SBF2: variants seen among roughly 807,000 people sequenced by gnomAD.
SBF2 encodes SET binding factor 2.
A neutral mutation model predicts 225.2 loss-of-function variants in SBF2; 112 were observed. The observed-to-expected ratio is 0.50, with a 90% CI of 0.43 to 0.58. The LOEUF is 0.58. Among genes scored for constraint, SBF2 ranks in the 20% least tolerant of loss-of-function variants. SBF2 has a pLI of 0.00. For missense variants in SBF2, 1,996 were observed against 2,206.2 expected (o/e 0.90, Z 1.91); for synonymous variants, 763 against 773.3 (o/e 0.99, Z 0.22).
chr11:10,266,042 G>A (rs968699644), intron 1 of SBF2, among the ~76,000 whole-genome samples: 2 of 151,956 alleles, frequency 1.3e-5, no homozygotes, highest in African/African-American at 4.8e-5. Context: ...ATTTTTTTTA[G>A]TACTTTTTCG....
intron 2 of SBF2, among the ~76,000 whole-genome samples, chr11:10,134,718 C>T (rs144014926): frequency 6.6e-5 from 10 of 152,328 alleles, no homozygotes; most frequent in East Asian, 5.8e-4. Context: ...CCAGGTCACA[C>T]GGATGCAAGA....
At chr11:9,887,048 G>A (rs1860383286) in intron 17 of SBF2, among the ~76,000 whole-genome samples, 1 of 151,776 alleles carries the variant, frequency 6.6e-6, no homozygotes, top group Non-Finnish European at 1.5e-5. Context: ...ATTTCTTTTG[G>A]AGTAGACAAA....
intron 14 of SBF2, among the ~76,000 whole-genome samples, chr11:9,967,971 C>CTCTA (rs1260685462): frequency 0.018 from 1,657 of 91,356 alleles, 25 homozygotes; most frequent in Non-Finnish European, 0.023. Flanking sequence ...CTCTCTCTCT[C>CTCTA]TATATATATA....
Position 9,961,937 on chromosome 11 carries a change from C to A in SBF2, c.1860+20G>T. On this transcript the variant is annotated intron_variant, in intron 16 of 39. Transcript: ENST00000256190. ...AGTATTCTCAAATAAGAGGAATAAT[C>A]TGAAAGAACTACAAATTACCTGTAG... The A allele has an allele frequency of 6.2e-7, 1 of 1,603,758 alleles. No homozygotes were observed. Among genetic ancestry groups the A allele is most frequent in the Non-Finnish European group, 8.5e-7 (1 of 1,171,972 alleles).
chr11:10,205,125 A>G (rs1382359078), intron 1 of SBF2, among the ~76,000 whole-genome samples: 1 of 152,036 alleles, frequency 6.6e-6, no homozygotes, highest in Admixed American at 6.5e-5. Context: ...ATGTTTACCT[A>G]TTTAACAAAC....
At chr11:10,093,829 T>C (rs909116913) in intron 2 of SBF2, among the ~76,000 whole-genome samples, 2 of 152,204 alleles carry the variant, frequency 1.3e-5, no homozygotes, top group Non-Finnish European at 2.9e-5. Context: ...TGTAGGAAGA[T>C]AGGTAAATAA....
chr11:10,269,648 T>C (rs1962304093), intron 1 of SBF2, among the ~76,000 whole-genome samples: 1 of 152,230 alleles, frequency 6.6e-6, no homozygotes, highest in Non-Finnish European at 1.5e-5. Context: ...TTTACTATTA[T>C]CCAATTTTAT....
chr11:10,098,619 A>T (rs1555023267), intron 2 of SBF2, among the ~76,000 whole-genome samples: 1 of 151,856 alleles, frequency 6.6e-6, no homozygotes, highest in Non-Finnish European at 1.5e-5. Flanking sequence ...GGTCACAGAC[A>T]ACTCGATGCA....
rs550976707 is a variant in SBF2, at chr11:10,001,331, G to A, written c.753-309C>T. Among the ~76,000 whole-genome samples, 3 of 151,964 alleles carry A rather than the reference G, an allele frequency of 2.0e-5. No individual in the cohort carries two copies. The South Asian group carries it at 6.2e-4, about 32-fold the overall frequency. On this transcript the variant is annotated intron_variant, in intron 7 of 39. Transcript: ENST00000256190. Reference sequence around the variant, plus strand: ...AGCATTTTTCCTTACATAGAAACCCGACATTAGACAGTAACACTGACTCTC... The same window carrying A: ...AGCATTTTTCCTTACATAGAAACCCAACATTAGACAGTAACACTGACTCTC...
Position 10,203,921 on chromosome 11 carries a change from C to T in SBF2, c.56-9934G>A, listed in dbSNP as rs376045738. Among the ~76,000 whole-genome samples the T allele has an allele frequency of 2.6e-5, 4 of 151,864 alleles. No homozygotes were observed. In the East Asian group the frequency reaches 7.8e-4, roughly 29 times the overall value. The stretch of plus-strand genomic sequence containing the variant: ...TATGCATGTAACAGGAGTCAGGAGT[C>T]CCAGCATGGAATGGAGGGAATGGAG... On this transcript the variant is annotated intron_variant, in intron 1 of 39. Transcript: ENST00000256190.
chr11:10,186,683 C>G (rs1382283648), intron 2 of SBF2, among the ~76,000 whole-genome samples: 1 of 152,218 alleles, frequency 6.6e-6, no homozygotes, highest in Non-Finnish European at 1.5e-5. Context: ...CAGCCCTTCT[C>G]TCTCCCCACT....
At chr11:10,088,222 G>T (rs1034966384) in intron 2 of SBF2, among the ~76,000 whole-genome samples, 1 of 151,590 alleles carries the variant, frequency 6.6e-6, no homozygotes, top group Non-Finnish European at 1.5e-5. Flanking sequence ...ACAAGGTTTT[G>T]CCATGTTGCC....
intron 2 of SBF2, among the ~76,000 whole-genome samples, chr11:10,181,252 G>T (rs544357430): frequency 4.2e-4 from 64 of 151,976 alleles, no homozygotes; most frequent in African/African-American, 1.5e-3. Flanking sequence ...AAAGACCAGG[G>T]TTTTATTATC....
At chr11:10,118,877 C>T (rs1953294900) in intron 2 of SBF2, among the ~76,000 whole-genome samples, 2 of 149,810 alleles carry the variant, frequency 1.3e-5, no homozygotes, top group Non-Finnish European at 3.0e-5. Context: ...TGTCTTTATT[C>T]TGCTGATCAC....
At chr11:10,253,435 T>C (rs1459259709) in intron 1 of SBF2, among the ~76,000 whole-genome samples, 1 of 152,170 alleles carries the variant, frequency 6.6e-6, no homozygotes, top group East Asian at 1.9e-4. Flanking sequence ...ACATTAGTAC[T>C]CTTTAAGACA....
intron 17 of SBF2, among the ~76,000 whole-genome samples, chr11:9,883,661 C>T (rs1590325008): frequency 6.6e-6 from 1 of 152,086 alleles, no homozygotes; most frequent in African/African-American, 2.4e-5. Context: ...TCACAAGTTC[C>T]TCAAAGGCAG....
At chr11:10,016,052 C>T (rs1329592819) in intron 6 of SBF2, among the ~76,000 whole-genome samples, 1 of 152,140 alleles carries the variant, frequency 6.6e-6, no homozygotes, top group Non-Finnish European at 1.5e-5. Context: ...GCTGAGATTA[C>T]AGGCATGAGC....
intron 22 of SBF2, among the ~76,000 whole-genome samples, chr11:9,849,051 C>A (rs1856743099): frequency 6.6e-6 from 1 of 152,184 alleles, no homozygotes; most frequent in Non-Finnish European, 1.5e-5. Flanking sequence ...ACTTTCGTGA[C>A]CATTTAGCCC....
chr11:10,030,082 T>C (rs1194433002), intron 4 of SBF2, among the ~76,000 whole-genome samples: 2 of 152,208 alleles, frequency 1.3e-5, no homozygotes, highest in East Asian at 1.9e-4. Flanking sequence ...GATGAGTTTA[T>C]AGAAAGCAGA....
Sources: allele counts gnomAD v4.1 joint callset (sites outside exome capture counted in the v4.1 genomes callset), GRCh38; gene constraint gnomAD v4.1.1; transcripts MANE v1.5; gene names NCBI Gene and HGNC (gene_info 2026-07-23, HGNC 2026-07-21).